ROR1: variants seen among roughly 807,000 people sequenced by gnomAD.
The protein encoded by ROR1 is inactive tyrosine-protein kinase transmembrane receptor ROR1.
In ROR1, 19 loss-of-function variants were observed where a neutral mutation model predicts 78.8. The ratio of observed to expected loss-of-function variants is 0.24; its 90% CI spans 0.17 to 0.35. The LOEUF (loss-of-function observed/expected upper bound fraction) is 0.35, where lower values mean the gene tolerates loss of function less well. Ranked by LOEUF, ROR1 falls within the 10% of genes least tolerant of loss-of-function variation. The pLI is 1.00. For synonymous variants in ROR1, 386 were observed against 433.6 expected, an observed-to-expected ratio of 0.89 and a Z score of 1.36; for missense variants, 917 against 1,177.8, an observed-to-expected ratio of 0.78 and a Z score of 3.24.
chr1:64,152,632 A>G (rs891336609), intron 7 of ROR1, among the ~76,000 whole-genome samples: 3 of 152,210 alleles, frequency 2.0e-5, no homozygotes, highest in Non-Finnish European at 4.4e-5. Flanking sequence ...TATAAACAAG[A>G]TCTTTAACCT....
intron 8 of ROR1, among the ~76,000 whole-genome samples, chr1:64,176,228 T>G (rs1444365687): frequency 1.3e-5 from 2 of 152,122 alleles, no homozygotes; most frequent in East Asian, 3.9e-4. Flanking sequence ...GGGATATACG[T>G]TGGTATGAAG....
At chr1:64,023,095 G>C (rs1333258999) in intron 2 of ROR1, among the ~76,000 whole-genome samples, 25 of 152,278 alleles carry the variant, frequency 1.6e-4, no homozygotes, top group Admixed American at 1.6e-3. Context: ...TTCCCAATAG[G>C]AATCAAATAC....
intron 1 of ROR1, among the ~76,000 whole-genome samples, chr1:63,971,184 A>C (rs902999501): frequency 6.6e-6 from 1 of 152,182 alleles, no homozygotes; most frequent in African/African-American, 2.4e-5. Context: ...AATTCTGACT[A>C]CCTGAGAGCA....
chr1:64,070,320 A>G lies in ROR1; in HGVS notation c.482+19604A>G, dbSNP rs375904163. 1.8e-4 allele frequency among the ~76,000 whole-genome samples: 27 copies of G among 151,992 alleles called. No individual in the cohort carries two copies. In the South Asian group the frequency reaches 5.6e-3, roughly 32 times the overall value. ...TGGATTTGAATCTTGTCCCACCTTT[A>G]AGCTTCAGTTTTTTGTTTTGTTTTT... On this transcript the variant is annotated intron_variant, in intron 4 of 8. Coordinates refer to ENST00000371079, the MANE Select transcript of ROR1 (RefSeq NM_005012.4).
chr1:63,917,034 C>T (rs1282198334), intron 1 of ROR1, among the ~76,000 whole-genome samples: 1 of 152,196 alleles, frequency 6.6e-6, no homozygotes, highest in African/African-American at 2.4e-5. Flanking sequence ...TTCAATTCTT[C>T]TTTCCTTAAG....
At position 64,178,963 on chromosome 1, in the gene ROR1, G is replaced by A. The variant is rs551193773; in HGVS notation, c.*108G>A. 116 of 725,116 alleles carry A rather than the reference G, an allele frequency of 1.6e-4. No homozygotes were observed. The highest frequency in any genetic ancestry group is 1.3e-3 in the Middle Eastern group (3 of 2,390). The allele number at this position is 725,116 out of a possible 1,614,324, so 44.9% of individuals were successfully genotyped here. A position where few individuals can be genotyped will look rare whatever the true frequency, so the allele number is the denominator to read the frequency against. On this transcript the variant is annotated 3_prime_UTR_variant, in exon 9 of 9. Coordinates refer to ENST00000371079, the MANE Select transcript of ROR1 (RefSeq NM_005012.4). The surrounding 1 kb of genome is among the most constrained non-coding windows in gnomAD (Gnocchi z 4.3). ...GTAAGGTTCTCATTTAGCAGACATC[G>A]CAACAAGTACCTTCTGTGAAGTTTC...
chr1:63,814,131 G>A (rs1644875812), intron 1 of ROR1, among the ~76,000 whole-genome samples: 1 of 152,218 alleles, frequency 6.6e-6, no homozygotes, highest in East Asian at 1.9e-4. Context: ...TTTGAGTCAG[G>A]TCAGGGTCAG....
intron 1 of ROR1, among the ~76,000 whole-genome samples, chr1:63,905,497 T>G (rs1275635490): frequency 6.6e-6 from 1 of 152,226 alleles, no homozygotes; most frequent in Non-Finnish European, 1.5e-5. Context: ...AACTTTCTAA[T>G]GCAGATGGTA....
At chr1:64,115,290 A>C (rs1648276094) in intron 4 of ROR1, among the ~76,000 whole-genome samples, 1 of 152,004 alleles carries the variant, frequency 6.6e-6, no homozygotes, top group Non-Finnish European at 1.5e-5. Context: ...ATCATAGCTC[A>C]CTGCAGCCTT....
At chr1:63,906,690 G>C (rs1432248745) in intron 1 of ROR1, among the ~76,000 whole-genome samples, 7 of 152,168 alleles carry the variant, frequency 4.6e-5, no homozygotes. Flanking sequence ...AGTGAAATCA[G>C]TTCCCTCTCT....
chr1:63,914,587 C>G (rs1471191240), intron 1 of ROR1, among the ~76,000 whole-genome samples: 1 of 152,184 alleles, frequency 6.6e-6, no homozygotes, highest in East Asian at 1.9e-4. Flanking sequence ...CTTCGGATGA[C>G]TCTTGGGCAG....
At chr1:63,838,997 A>G (rs1438860008) in intron 1 of ROR1, among the ~76,000 whole-genome samples, 1 of 152,206 alleles carries the variant, frequency 6.6e-6, no homozygotes, top group African/African-American at 2.4e-5. Context: ...CATAAAGCCT[A>G]GGTGTGTAGT....
At chr1:63,915,851 A>C (rs1011548963) in intron 1 of ROR1, among the ~76,000 whole-genome samples, 11 of 152,018 alleles carry the variant, frequency 7.2e-5, no homozygotes, top group African/African-American at 2.7e-4. Flanking sequence ...ATATCTTGTA[A>C]TGGATGCATC....
intron 1 of ROR1, among the ~76,000 whole-genome samples, chr1:63,921,500 C>A (rs1355385511): frequency 6.6e-6 from 1 of 152,010 alleles, no homozygotes; most frequent in Non-Finnish European, 1.5e-5. Context: ...GCCCCAGGCC[C>A]CAGTTTAACA....
chr1:64,151,342 G>A (rs1388883505), intron 7 of ROR1, among the ~76,000 whole-genome samples: 1 of 152,134 alleles, frequency 6.6e-6, no homozygotes, highest in Non-Finnish European at 1.5e-5. Context: ...AGGAACAAGG[G>A]TTTCAACCCA....
intron 4 of ROR1, among the ~76,000 whole-genome samples, chr1:64,123,788 CAT>C (rs1437238089): frequency 1.3e-5 from 2 of 152,062 alleles, no homozygotes; most frequent in Non-Finnish European, 2.9e-5. Flanking sequence ...AAATATAAGT[CAT>C]AACAGTTTTC....
intron 7 of ROR1, chr1:64,143,033 C>T (rs1045912501): frequency 9.2e-6 from 10 of 1,092,188 alleles, no homozygotes; most frequent in Non-Finnish European, 1.1e-5. Context: ...AAATTGTTTT[C>T]TGTATGCCTT....
chr1:64,079,760 G>A (rs921445256), intron 4 of ROR1, among the ~76,000 whole-genome samples: 1 of 152,126 alleles, frequency 6.6e-6, no homozygotes, highest in African/African-American at 2.4e-5. Context: ...GGGATTATAA[G>A]CATGAGCCAC....
chr1:63,817,701 A>G lies in ROR1; in HGVS notation c.91+43193A>G, dbSNP rs1644900478. ...TTCTAATCAAAATCAAAGTGCAGTT[A>G]CTGGGACTCACTCGAGAAGGGTTAA... On this transcript the variant is annotated intron_variant, in intron 1 of 8. Transcript: ENST00000371079. 2.6e-5 allele frequency among the ~76,000 whole-genome samples: 4 copies of G among 152,330 alleles called. No homozygotes were observed. The South Asian group carries it at 8.3e-4, about 32-fold the overall frequency.
Sources: allele counts gnomAD v4.1 joint callset (sites outside exome capture counted in the v4.1 genomes callset), GRCh38; gene constraint gnomAD v4.1.1; non-coding constraint Gnocchi (gnomAD v3.1); transcripts MANE v1.5; gene names NCBI Gene and HGNC (gene_info 2026-07-23, HGNC 2026-07-21).